The following ADGRL2 variants were observed in gnomAD, a reference collection of about 807,000 sequenced individuals.
ADGRL2 encodes adhesion G protein-coupled receptor L2.
Under a neutral mutation model 157.4 loss-of-function variants are expected in ADGRL2, and 44 were observed. The observed-to-expected ratio is 0.28, with a 90% confidence interval of 0.22 to 0.36. ADGRL2 has a LOEUF of 0.36. ADGRL2 is among the 10% of genes least tolerant of loss of function. The probability of loss-of-function intolerance (pLI) is 1.00; values close to 1 mark genes in which losing one functional copy is unlikely to be tolerated. For synonymous variants in ADGRL2, 585 were observed against 624.7 expected, an observed-to-expected ratio of 0.94 and a Z score of 0.95; for missense variants, 1,510 against 1,768.9, an observed-to-expected ratio of 0.85 and a Z score of 2.63.
rs1553184757 is a variant in ADGRL2 at position 81,903,846 on chromosome 1, CAT to C, written c.74-3168_74-3167del. On this transcript the variant is annotated intron_variant, in intron 2 of 23. Transcript: ENST00000686636. ...ACACACACACACACACACACACACA[CAT>C]ATTTGGTTGGAAATACAGACTTTAG... Among the ~76,000 whole-genome samples, 40 of 145,714 alleles carry C rather than the reference CAT, an allele frequency of 2.7e-4. 1 individual carries two copies. Among genetic ancestry groups the C allele is most frequent in the South Asian group, 1.5e-3 (7 of 4,624 alleles).
At chr1:81,712,755 ATTT>A (rs60265943) in intron 1 of ADGRL2, among the ~76,000 whole-genome samples, 30,698 of 99,000 alleles carry the variant, frequency 0.31, 3,413 homozygotes, top group Admixed American at 0.37. Context: ...TGGATCGCGG[ATTT>A]TTTTTTTTTT....
At chr1:81,357,810 G>A (rs1014534180) in intron 1 of ADGRL2, among the ~76,000 whole-genome samples, 4 of 152,084 alleles carry the variant, frequency 2.6e-5, no homozygotes, top group African/African-American at 9.7e-5. Flanking sequence ...GCTCTAATGT[G>A]CATGCCATTT....
At chr1:81,706,010 A>C (rs1258850524) in intron 1 of ADGRL2, among the ~76,000 whole-genome samples, 1 of 152,038 alleles carries the variant, frequency 6.6e-6, no homozygotes, top group African/African-American at 2.4e-5. Context: ...GGAGATCGAG[A>C]CCATCCTGGC....
At chr1:81,610,702 T>C (rs991528824) in intron 3 of ADGRL2, among the ~76,000 whole-genome samples, 2 of 152,128 alleles carry the variant, frequency 1.3e-5, no homozygotes, top group African/African-American at 4.8e-5. Context: ...ATAAAAGAGA[T>C]TATGGTGGTC....
At chr1:81,632,072 T>C (rs2082020536) in intron 3 of ADGRL2, among the ~76,000 whole-genome samples, 1 of 152,338 alleles carries the variant, frequency 6.6e-6, no homozygotes, top group East Asian at 1.9e-4. Flanking sequence ...ATTTATTTAT[T>C]CAATTAAATC....
chr1:81,549,935 A>G (rs908419550), intron 2 of ADGRL2, among the ~76,000 whole-genome samples: 29 of 151,710 alleles, frequency 1.9e-4, no homozygotes, highest in Non-Finnish European at 4.0e-4. Context: ...TAACCTGCTA[A>G]GATAGAAAAG....
chr1:81,502,305 A>T, intron 2 of ADGRL2: 2 of 1,614,052 alleles, frequency 1.2e-6, no homozygotes, highest in Admixed American at 3.3e-5. Context: ...GGACAGCTGA[A>T]CTGGAATCTG....
chr1:81,535,129 G>C (rs959603609), intron 2 of ADGRL2, among the ~76,000 whole-genome samples: 19 of 152,276 alleles, frequency 1.2e-4, no homozygotes, highest in Admixed American at 1.0e-3. Flanking sequence ...GGCTTTAAGT[G>C]TGTACAACGT....
chr1:81,439,941 T>C (rs904315910), intron 1 of ADGRL2, among the ~76,000 whole-genome samples: 2 of 152,204 alleles, frequency 1.3e-5, no homozygotes, highest in African/African-American at 4.8e-5. Context: ...AAAATGGCTC[T>C]AAAAGGCTGT....
chr1:81,963,170 T>A (rs1002496488), intron 11 of ADGRL2, among the ~76,000 whole-genome samples: 6 of 32,256 alleles, frequency 1.9e-4, no homozygotes, highest in Non-Finnish European at 5.2e-4. Flanking sequence ...CTTATACTTC[T>A]TTTTTTTATT....
chr1:81,654,682 C>G (rs2082493245), intron 3 of ADGRL2, among the ~76,000 whole-genome samples: 1 of 152,190 alleles, frequency 6.6e-6, no homozygotes, highest in Non-Finnish European at 1.5e-5. Context: ...AATATTTATT[C>G]AATTGAGTCC....
In ADGRL2 at chr1:81,340,216, CAG is replaced by C. The variant is rs1369346721; in HGVS notation, c.-302+33708_-302+33709del. On this transcript the variant is annotated intron_variant, in intron 1 of 24. Transcript: ENST00000370721. The stretch of plus-strand genomic sequence containing the variant: ...GTAATTTAAAGATAGCATAAACAAA[CAG>C]TATGTTATCTCTACTTCAAATATAG... 2.0e-5 allele frequency among the ~76,000 whole-genome samples: 3 copies of C among 152,150 alleles called. No individual in the cohort carries two copies. The South Asian group carries it at 6.2e-4, about 32-fold the overall frequency.
At chr1:81,673,503 G>A (rs2082915575) in intron 3 of ADGRL2, among the ~76,000 whole-genome samples, 1 of 144,894 alleles carries the variant, frequency 6.9e-6, no homozygotes, top group Non-Finnish European at 1.5e-5. Context: ...CAGAAACTGT[G>A]CCTTCTATTT....
intron 2 of ADGRL2, among the ~76,000 whole-genome samples, chr1:81,500,665 C>T (rs2078826406): frequency 6.6e-6 from 1 of 152,014 alleles, no homozygotes; most frequent in African/African-American, 2.4e-5. Context: ...CAAGTGGGGA[C>T]TTATTGTTTA....
At chr1:81,779,956 T>G (rs2086746575) in intron 2 of ADGRL2, among the ~76,000 whole-genome samples, 1 of 152,212 alleles carries the variant, frequency 6.6e-6, no homozygotes, top group Non-Finnish European at 1.5e-5. Flanking sequence ...CTTGGAGACT[T>G]AAATCCCTAA....
At chr1:81,459,202 T>C (rs1238177040) in intron 2 of ADGRL2, among the ~76,000 whole-genome samples, 2 of 152,198 alleles carry the variant, frequency 1.3e-5, no homozygotes, top group Non-Finnish European at 2.9e-5. Flanking sequence ...GTGGACTCTA[T>C]CCAGAACTGG....
chr1:81,322,086 T>TCATATATATATATATATATATATACA (rs1660540887), intron 1 of ADGRL2, among the ~76,000 whole-genome samples: 5 of 67,796 alleles, frequency 7.4e-5, no homozygotes, highest in Admixed American at 1.8e-4. Flanking sequence ...CAGGACTAAT[T>TCATATATATATATATATATATATACA]CATATATATA....
At chr1:81,518,763 A>C (rs1321881175) in intron 2 of ADGRL2, among the ~76,000 whole-genome samples, 1 of 150,608 alleles carries the variant, frequency 6.6e-6, no homozygotes, top group Non-Finnish European at 1.5e-5. Flanking sequence ...GTGCGACTGC[A>C]CTCCAGCCTA....
In ADGRL2 at chr1:81,524,768, G is replaced by A. The variant is rs1359775193; in HGVS notation, c.-247-56108G>A. 2.0e-5 allele frequency among the ~76,000 whole-genome samples: 3 copies of A among 152,042 alleles called. No individual in the cohort carries two copies. The South Asian group carries it at 6.2e-4, about 32-fold the overall frequency. On this transcript the variant is annotated intron_variant, in intron 2 of 24. Transcript: ENST00000370721. ...AGTTTGGGGAGAACATCTTGACTCA[G>A]GCCTGTAATCCTAGCTACTGGAGAG...
Sources: allele counts gnomAD v4.1 joint callset (sites outside exome capture counted in the v4.1 genomes callset), GRCh38; gene constraint gnomAD v4.1.1; transcripts MANE v1.5; gene names NCBI Gene and HGNC (gene_info 2026-07-23, HGNC 2026-07-21).